Variants in MBD2 observed in about 807,000 individuals in gnomAD.
MBD2 encodes methyl-CpG-binding domain protein 2.
In MBD2, 9 loss-of-function variants were observed where a neutral mutation model predicts 39.3. The ratio of observed to expected loss-of-function variants is 0.23; its 90% CI spans 0.14 to 0.40. The LOEUF (loss-of-function observed/expected upper bound fraction) is 0.40, where lower values mean the gene tolerates loss of function less well. Among genes scored for constraint, MBD2 ranks in the 10% least tolerant of loss-of-function variants. MBD2 has a pLI of 1.00. For synonymous variants in MBD2, 233 were observed against 211.1 expected (o/e 1.10, Z -0.90); for missense variants, 458 against 532.6 (o/e 0.86, Z 1.38).
rs535712873 is a variant in MBD2 at position 54,219,428 on chromosome 18, T to C, written c.542+4590A>G. 3.3e-5 allele frequency among the ~76,000 whole-genome samples: 5 copies of C among 152,338 alleles called. No homozygotes were observed. The East Asian group carries it at 9.6e-4, about 29-fold the overall frequency. ...TTATTTAGCATCTGAGTGTTTGGCATTGTGTCGAGGGGAAAGACAGCTATG... is the reference window on the plus strand; with the variant it reads ...TTATTTAGCATCTGAGTGTTTGGCACTGTGTCGAGGGGAAAGACAGCTATG... On this transcript the variant is annotated intron_variant, in intron 1 of 6. Coordinates refer to ENST00000256429, the MANE Select transcript of MBD2 (RefSeq NM_003927.5).
At chr18:54,204,656 G>A (rs1295920290) in intron 2 of MBD2, among the ~76,000 whole-genome samples, 1 of 152,142 alleles carries the variant, frequency 6.6e-6, no homozygotes, top group East Asian at 1.9e-4. Flanking sequence ...ACTATGGGGT[G>A]AAGATACCTG....
chr18:54,177,632 C>T (rs1053992125), intron 3 of MBD2, among the ~76,000 whole-genome samples: 16 of 152,036 alleles, frequency 1.1e-4, no homozygotes, highest in Non-Finnish European at 8.8e-5. Flanking sequence ...AGGCGCCCGC[C>T]ACCACGCCCG....
At position 54,154,759 on chromosome 18, in the gene MBD2, G is replaced by C. The variant is rs1282753724; in HGVS notation, c.*565C>G. The C allele has an allele frequency of 1.3e-5, 2 of 152,646 alleles. No individual in the cohort carries two copies. The highest frequency in any genetic ancestry group is 1.3e-4 in the Admixed American group (2 of 15,280). 9.5% of individuals were successfully genotyped at this position (152,646 alleles called of 1,614,324 possible). On this transcript the variant is annotated 3_prime_UTR_variant, in exon 7 of 7. Coordinates refer to ENST00000256429, the MANE Select transcript of MBD2 (RefSeq NM_003927.5). ...TGTCAAACCTAAGGCCCAGGGATCA[G>C]AGTTGAATGTAAATCAGAGGAAGGC... is the stretch of plus-strand genomic sequence containing the variant.
intron 5 of MBD2, 132 bp downstream of exon 5, chr18:54,164,391 T>C (rs1002253523): frequency 2.6e-6 from 2 of 763,784 alleles, no homozygotes; most frequent in Non-Finnish European, 4.1e-6. Flanking sequence ...TGAAAAACTC[T>C]GTTAAAAAAG....
At chr18:54,189,341 A>G (rs2086304357) in intron 2 of MBD2, among the ~76,000 whole-genome samples, 1 of 149,764 alleles carries the variant, frequency 6.7e-6, no homozygotes, top group African/African-American at 2.5e-5. Flanking sequence ...CATCCGCCTC[A>G]GCCTCCCGAG....
intron 2 of MBD2, among the ~76,000 whole-genome samples, chr18:54,194,355 C>A (rs768318980): frequency 1.1e-4 from 16 of 151,962 alleles, no homozygotes; most frequent in Non-Finnish European, 1.8e-4. Context: ...TGAATAATTC[C>A]ATTTCCAAAC....
intron 2 of MBD2, among the ~76,000 whole-genome samples, chr18:54,189,287 G>A (rs948507425): frequency 2.0e-4 from 30 of 149,000 alleles, no homozygotes; most frequent in African/African-American, 3.0e-4. Context: ...GCAGTGGCGC[G>A]ATCTAGGCTC....
intron 1 of MBD2, among the ~76,000 whole-genome samples, chr18:54,219,234 C>T (rs2086588251): frequency 6.6e-6 from 1 of 152,194 alleles, no homozygotes; most frequent in African/African-American, 2.4e-5. Flanking sequence ...AGTACCTTCA[C>T]ACTGATGATG....
chr18:54,213,200 C>T (rs752866021), intron 1 of MBD2, among the ~76,000 whole-genome samples: 2 of 152,064 alleles, frequency 1.3e-5, no homozygotes, highest in African/African-American at 2.4e-5. Flanking sequence ...GGCCACTGAC[C>T]GTGGCCCGTT....
At chr18:54,177,628 C>G (rs1332932424) in intron 3 of MBD2, among the ~76,000 whole-genome samples, 1 of 151,778 alleles carries the variant, frequency 6.6e-6, no homozygotes, top group Non-Finnish European at 1.5e-5. Context: ...CTACAGGCGC[C>G]CGCCACCACG....
At chr18:54,221,995 G>A (rs1363618299) in intron 1 of MBD2, among the ~76,000 whole-genome samples, 3 of 152,192 alleles carry the variant, frequency 2.0e-5, no homozygotes, top group Non-Finnish European at 4.4e-5. Flanking sequence ...CTGCCACAGA[G>A]TAAAATTCAA....
intron 2 of MBD2, among the ~76,000 whole-genome samples, chr18:54,192,298 T>C (rs1228711567): frequency 1.3e-5 from 2 of 152,210 alleles, no homozygotes; most frequent in Admixed American, 6.5e-5. Context: ...AGTGGCGCGA[T>C]CTTGGCTCAC....
intron 1 of MBD2, among the ~76,000 whole-genome samples, chr18:54,221,221 G>T (rs563838958): frequency 5.3e-5 from 8 of 152,222 alleles, no homozygotes; most frequent in African/African-American, 1.7e-4. Context: ...ACTTTGGGAG[G>T]CCAAGGCGGG....
intron 1 of MBD2, among the ~76,000 whole-genome samples, chr18:54,210,888 T>TTTG (rs1337985503): frequency 6.9e-6 from 1 of 145,298 alleles, no homozygotes; most frequent in East Asian, 2.0e-4. Context: ...TTTTTTTTTT[T>TTTG]TGAGACAGAG....
At position 54,197,546 on chromosome 18, in the gene MBD2, T is replaced by A. The variant is rs149291201; in HGVS notation, c.702+7452A>T. 5.1e-3 allele frequency among the ~76,000 whole-genome samples: 779 copies of A among 152,366 alleles called. 10 individuals are homozygous for A. Among genetic ancestry groups the A allele is most frequent in the African/African-American group, 0.016 (665 of 41,580 alleles). On this transcript the variant is annotated intron_variant, in intron 2 of 6. Coordinates refer to ENST00000256429, the MANE Select transcript of MBD2 (RefSeq NM_003927.5). ...TTAAAATTGATTTTATTTACTCACA[T>A]AAATTATTTCCCTAAAGTGACCTCA...
intron 3 of MBD2, among the ~76,000 whole-genome samples, chr18:54,170,305 C>T (rs2086171139): frequency 1.3e-5 from 2 of 152,300 alleles, no homozygotes; most frequent in African/African-American, 2.4e-5. Context: ...AATGAACCCA[C>T]GATAGCATTT....
In MBD2 at chr18:54,205,051, T is replaced by C; in HGVS notation, c.649A>G (p.Lys217Glu). 1 of 1,614,024 alleles carries C rather than the reference T, an allele frequency of 6.2e-7. No individual in the cohort carries two copies. The highest frequency in any genetic ancestry group is 2.2e-5 in the East Asian group (1 of 44,872). Residue 217 changes from lysine (K) to glutamate (E), a missense_variant, in exon 2 of 7, where the codon AAA becomes GAA. Lys to Glu is a moderately conservative substitution (Grantham distance 56). Around this residue, in one of 2 missense-constraint regions of MBD2, gnomAD observed 189 missense variants for 296.6 expected, o/e 0.64. Coordinates refer to ENST00000256429, the MANE Select transcript of MBD2 (RefSeq NM_003927.5). ...AGTCTCTGTTTGTTCTTCTGTAATT[T>C]ACTAGGCATCATCTTTCCAGTTCTG... Reference protein sequence around the residue: ...DFRTGKMMPSKLQKNKQRLRN... With the variant: ...DFRTGKMMPSELQKNKQRLRN...
chr18:54,214,884 C>T (rs1446114221), intron 1 of MBD2, among the ~76,000 whole-genome samples: 2 of 151,950 alleles, frequency 1.3e-5, no homozygotes, highest in Non-Finnish European at 2.9e-5. Context: ...GGACGACAGG[C>T]GCCCGCCAAC....
At chr18:54,164,042 C>T (rs1178535353) in intron 5 of MBD2, among the ~76,000 whole-genome samples, 1 of 152,042 alleles carries the variant, frequency 6.6e-6, no homozygotes, top group African/African-American at 2.4e-5. Context: ...TACTACCATG[C>T]CTCACTAATT....
Sources: gnomAD v4.1 joint callset for allele counts (sites outside exome capture counted in the v4.1 genomes callset) on GRCh38, gnomAD v4.1.1 for gene constraint, gnomAD v4.1.1 regional missense constraint, MANE v1.5 for transcripts, NCBI Gene and HGNC (gene_info 2026-07-23, HGNC 2026-07-21) for gene names.